The following SDK1 variants were observed in gnomAD, a reference collection of about 807,000 sequenced individuals.
The protein encoded by SDK1 is protein sidekick-1.
Under a neutral mutation model 245.5 loss-of-function variants are expected in SDK1, and 157 were observed. The observed-to-expected ratio is 0.64, with a 90% CI of 0.56 to 0.73. SDK1 has a LOEUF of 0.73. Ranked by LOEUF, SDK1 falls within the 30% of genes least tolerant of loss-of-function variation. The pLI, the probability that SDK1 is intolerant of heterozygous loss-of-function variation, is 0.00. For synonymous variants in SDK1, 1,647 were observed against 1,278.5 expected, an observed-to-expected ratio of 1.29 and a Z score of -6.15; for missense variants, 3,583 against 3,002.3, an observed-to-expected ratio of 1.19 and a Z score of -4.52.
chr7:3,366,039 C>CAA (rs59233768), intron 1 of SDK1, among the ~76,000 whole-genome samples: 111 of 140,190 alleles, frequency 7.9e-4, no homozygotes, highest in Admixed American at 1.3e-3. Flanking sequence ...AATTCTGTCT[C>CAA]AAAAAAAAAA....
intron 1 of SDK1, among the ~76,000 whole-genome samples, chr7:3,478,697 G>A (rs1781419358): frequency 6.6e-6 from 1 of 151,762 alleles, no homozygotes; most frequent in African/African-American, 2.4e-5. Flanking sequence ...ATTTATTTTT[G>A]CTCTTTTATT....
rs574595502 is a variant in SDK1 at position 4,169,400 on chromosome 7, C to T, written c.4801-4822C>T. ...ACCTGCCCCTGCCCTTCATGCCCCT[C>T]GCTCCCGTCTAGTGGGGCTACACCA... is the stretch of plus-strand genomic sequence containing the variant. On this transcript the variant is annotated intron_variant, in intron 32 of 44. Coordinates refer to ENST00000404826, the MANE Select transcript of SDK1 (RefSeq NM_152744.4). Among the ~76,000 whole-genome samples the T allele has an allele frequency of 5.9e-5, 9 of 152,310 alleles. No homozygotes were observed. In the South Asian group the frequency reaches 1.2e-3, roughly 21 times the overall value.
chr7:3,490,484 A>C (rs760575914), intron 1 of SDK1, among the ~76,000 whole-genome samples: 2 of 152,186 alleles, frequency 1.3e-5, no homozygotes, highest in Non-Finnish European at 2.9e-5. Flanking sequence ...TGTTCTGTAT[A>C]TCATTTTAAA....
chr7:3,504,570 G>A (rs569126591), intron 1 of SDK1, among the ~76,000 whole-genome samples: 1 of 152,234 alleles, frequency 6.6e-6, no homozygotes, highest in East Asian at 1.9e-4. Flanking sequence ...GGTAAGAATA[G>A]TCTTGTCAGC....
intron 1 of SDK1, among the ~76,000 whole-genome samples, chr7:3,617,763 A>T (rs1297760522): frequency 2.0e-5 from 3 of 152,166 alleles, no homozygotes; most frequent in African/African-American, 7.2e-5. Flanking sequence ...ATCAGCATTA[A>T]TCCATTCCTG....
At chr7:3,964,612 G>C (rs1781955661) in intron 9 of SDK1, among the ~76,000 whole-genome samples, 1 of 152,048 alleles carries the variant, frequency 6.6e-6, no homozygotes, top group South Asian at 2.1e-4. Flanking sequence ...GTTTCTGTGG[G>C]TTTTCTTTTT....
chr7:3,859,127 G>T (rs1422705041), intron 5 of SDK1, among the ~76,000 whole-genome samples: 2 of 152,116 alleles, frequency 1.3e-5, no homozygotes, highest in Non-Finnish European at 2.9e-5. Context: ...CTCCCAAAGT[G>T]CTGGGATTAC....
At chr7:4,204,759 A>C (rs1784099301) in intron 35 of SDK1, among the ~76,000 whole-genome samples, 1 of 152,182 alleles carries the variant, frequency 6.6e-6, no homozygotes, top group African/African-American at 2.4e-5. Context: ...GGCCCCCTGC[A>C]CAGCTGCCCT....
At chr7:3,328,900 CAGTTTG>C (rs1382373363) in intron 1 of SDK1, among the ~76,000 whole-genome samples, 8 of 151,974 alleles carry the variant, frequency 5.3e-5, no homozygotes, top group Admixed American at 2.6e-4. Context: ...CAACTTTGTG[CAGTTTG>C]ACATATTTTT....
intron 4 of SDK1, among the ~76,000 whole-genome samples, chr7:3,777,143 G>T (rs187296051): frequency 6.6e-6 from 1 of 152,202 alleles, no homozygotes; most frequent in Non-Finnish European, 1.5e-5. Flanking sequence ...TGAGATAAAA[G>T]TGTCACTGTA....
At chr7:3,954,936 A>C (rs1037657743) in intron 7 of SDK1, among the ~76,000 whole-genome samples, 3 of 151,998 alleles carry the variant, frequency 2.0e-5, no homozygotes, top group Non-Finnish European at 2.9e-5. Flanking sequence ...TGGAATCAGG[A>C]TGTGCCTCAC....
At chr7:3,599,928 A>G (rs567202882) in intron 1 of SDK1, among the ~76,000 whole-genome samples, 9 of 152,196 alleles carry the variant, frequency 5.9e-5, no homozygotes, top group African/African-American at 2.2e-4. Flanking sequence ...CTTTTTTCAT[A>G]TAAAGCTTAG....
intron 17 of SDK1, among the ~76,000 whole-genome samples, chr7:4,038,357 G>A (rs1270151210): frequency 1.3e-5 from 2 of 151,218 alleles, no homozygotes; most frequent in Admixed American, 6.6e-5. Flanking sequence ...GTCTATGACC[G>A]GGGCAAACAA....
At chr7:4,011,190 G>C in intron 15 of SDK1, 77 bp downstream of exon 15, 1 of 1,534,258 alleles carries the variant, frequency 6.5e-7, no homozygotes, top group Non-Finnish European at 8.8e-7. Flanking sequence ...CACATTATGT[G>C]GTGGAATTGA....
At chr7:4,096,711 C>T (rs1782170067) in intron 22 of SDK1, among the ~76,000 whole-genome samples, 1 of 152,042 alleles carries the variant, frequency 6.6e-6, no homozygotes, top group South Asian at 2.1e-4. Context: ...CAGAGGGAGG[C>T]CTGTGGAGTG....
At chr7:3,493,011 C>T (rs147352043) in intron 1 of SDK1, among the ~76,000 whole-genome samples, 54 of 152,184 alleles carry the variant, frequency 3.5e-4, no homozygotes, top group Admixed American at 8.5e-4. Flanking sequence ...AGTGCAGTGG[C>T]GTGATCTCTG....
intron 5 of SDK1, among the ~76,000 whole-genome samples, chr7:3,936,782 G>T (rs1406858781): frequency 1.3e-5 from 2 of 152,188 alleles, no homozygotes; most frequent in Non-Finnish European, 2.9e-5. Context: ...AGGGTACTGG[G>T]AAGCCTGCCT....
chr7:4,113,510 G>T, intron 24 of SDK1, 71 bp downstream of exon 24: 1 of 1,528,488 alleles, frequency 6.5e-7, no homozygotes, highest in South Asian at 1.2e-5. Context: ...ACTAATCCAG[G>T]GCTTAGGAGT....
chr7:4,221,170 A>G, intron 39 of SDK1, 69 bp from the exon 40 acceptor site: 3 of 1,585,712 alleles, frequency 1.9e-6, no homozygotes, highest in African/African-American at 2.7e-5. Flanking sequence ...CCACTGTGAA[A>G]TCTCACGGGG....
Sources: gnomAD v4.1 joint callset for allele counts (sites outside exome capture counted in the v4.1 genomes callset) on GRCh38, gnomAD v4.1.1 for gene constraint, MANE v1.5 for transcripts, NCBI Gene and HGNC (gene_info 2026-07-23, HGNC 2026-07-21) for gene names.